USP32: variants seen among roughly 807,000 people sequenced by gnomAD.
The protein encoded by USP32 is ubiquitin carboxyl-terminal hydrolase 32.
USP32 carries 59 observed loss-of-function variants against 204.8 expected under a neutral mutation model. That is an observed-to-expected ratio of 0.29 (90% confidence interval 0.23 to 0.36). USP32 has a LOEUF of 0.36. Among genes scored for constraint, USP32 ranks in the 10% least tolerant of loss-of-function variants. USP32 has a pLI of 1.00. For synonymous variants in USP32, 517 were observed against 678.4 expected, an observed-to-expected ratio of 0.76 and a Z score of 3.70; for missense variants, 1,160 against 1,946.4, an observed-to-expected ratio of 0.60 and a Z score of 7.60.
chr17:60,409,081 C>T (rs373603783), intron 1 of USP32, among the ~76,000 whole-genome samples: 12 of 152,346 alleles, frequency 7.9e-5, no homozygotes, highest in Admixed American at 5.9e-4. Context: ...GGCACAGTGG[C>T]TCATGCCTGT....
chr17:60,374,399 G>GTT (rs1257100336), intron 1 of USP32, among the ~76,000 whole-genome samples: 88 of 141,534 alleles, frequency 6.2e-4, no homozygotes, highest in Admixed American at 2.5e-3. Context: ...GTTAAGTTTT[G>GTT]TTTTTTTTTT....
At chr17:60,212,132 A>C in intron 18 of USP32, 34 bp from the exon 19 acceptor site, 1 of 1,530,746 alleles carries the variant, frequency 6.5e-7, no homozygotes, top group Non-Finnish European at 8.9e-7. Context: ...TTAATTTCTT[A>C]TCTATCTAAT....
chr17:60,241,174 T>G (rs1419172131), intron 11 of USP32, among the ~76,000 whole-genome samples: 1 of 152,142 alleles, frequency 6.6e-6, no homozygotes, highest in Non-Finnish European at 1.5e-5. Context: ...ATTTTTTGTA[T>G]TTTTAGTACA....
chr17:60,222,607 C>A, intron 14 of USP32, 58 bp from the exon 15 acceptor site: 1 of 1,544,716 alleles, frequency 6.5e-7, no homozygotes, highest in Non-Finnish European at 8.8e-7. Context: ...TTTTGGGTCT[C>A]AGCAATACCT....
At chr17:60,275,189 G>A (rs2086810763) in intron 5 of USP32, among the ~76,000 whole-genome samples, 1 of 152,168 alleles carries the variant, frequency 6.6e-6, no homozygotes, top group Admixed American at 6.5e-5. Flanking sequence ...GGGCGCGGTG[G>A]CTCACGCCTG....
chr17:60,301,500 G>T, intron 3 of USP32, 99 bp downstream of exon 3: 2 of 674,698 alleles, frequency 3.0e-6, no homozygotes, highest in Non-Finnish European at 4.7e-6. Context: ...TATCTTCTTT[G>T]GGAAAATGTC....
chr17:60,396,505 G>T (rs747093701), upstream of USP32, among the ~76,000 whole-genome samples: 1 of 152,140 alleles, frequency 6.6e-6, no homozygotes, highest in Non-Finnish European at 1.5e-5. Flanking sequence ...TGCAGTTAAA[G>T]AAATTTCTCC....
intron 21 of USP32, 118 bp from the exon 22 acceptor site, chr17:60,209,661 C>T: frequency 1.6e-6 from 1 of 607,038 alleles, no homozygotes; most frequent in Non-Finnish European, 2.6e-6. Flanking sequence ...ACTTAGTCTG[C>T]CTCTATTTCA....
intron 24 of USP32, chr17:60,207,615 G>A (rs1212649213): frequency 6.4e-6 from 1 of 155,414 alleles, no homozygotes; most frequent in East Asian, 1.9e-4. Flanking sequence ...TAATTTCTTA[G>A]TGTGTTAAAA....
intron 2 of USP32, chr17:60,316,078 C>T: frequency 4.5e-6 from 1 of 220,844 alleles, no homozygotes; most frequent in Non-Finnish European, 9.0e-6. Context: ...TTCCAGAATA[C>T]AGTTACTGGT....
At chr17:60,341,488 T>C (rs1444617037) in intron 2 of USP32, among the ~76,000 whole-genome samples, 2 of 152,148 alleles carry the variant, frequency 1.3e-5, no homozygotes, top group Non-Finnish European at 2.9e-5. Context: ...GAATGTTGAA[T>C]ATTGGCCCCC....
intron 27 of USP32, among the ~76,000 whole-genome samples, chr17:60,194,341 AC>A (rs1421068117): frequency 6.6e-6 from 1 of 151,984 alleles, no homozygotes; most frequent in East Asian, 1.9e-4. Flanking sequence ...ACCGCACCCT[AC>A]CCCCTGCACT....
chr17:60,297,173 G>T (rs2087452246), intron 3 of USP32, among the ~76,000 whole-genome samples: 1 of 152,128 alleles, frequency 6.6e-6, no homozygotes, highest in Admixed American at 6.5e-5. Flanking sequence ...CAAGACGAGA[G>T]AATCATTTGA....
intron 2 of USP32, among the ~76,000 whole-genome samples, chr17:60,317,437 G>A (rs2088009483): frequency 6.6e-6 from 1 of 150,664 alleles, no homozygotes; most frequent in Non-Finnish European, 1.5e-5. Flanking sequence ...GATTACTTGA[G>A]CCAAGGAGGT....
At chr17:60,303,241 A>G (rs59315645) in intron 2 of USP32, among the ~76,000 whole-genome samples, 3,279 of 152,214 alleles carry the variant, frequency 0.022, 139 homozygotes, top group African/African-American at 0.075. Flanking sequence ...CCCACTCCCA[A>G]CTAGAAGAAA....
intron 12 of USP32, among the ~76,000 whole-genome samples, chr17:60,232,064 T>C (rs1211361780): frequency 6.6e-6 from 1 of 152,158 alleles, no homozygotes; most frequent in African/African-American, 2.4e-5. Context: ...TAAGTAAATA[T>C]GTCATTTTAT....
At chr17:60,361,924 A>T (rs73320763) in intron 1 of USP32, among the ~76,000 whole-genome samples, 138 of 152,302 alleles carry the variant, frequency 9.1e-4, no homozygotes, top group African/African-American at 3.1e-3. Flanking sequence ...TATAGTGTTA[A>T]CAGTATTACT....
chr17:60,192,452 T>C (rs1046307475), intron 28 of USP32, among the ~76,000 whole-genome samples: 5 of 152,212 alleles, frequency 3.3e-5, no homozygotes, highest in Non-Finnish European at 7.3e-5. Context: ...AAATATTTTT[T>C]GAGACGGAGT....
intron 1 of USP32, among the ~76,000 whole-genome samples, chr17:60,378,401 G>A (rs1390002487): frequency 1.3e-5 from 2 of 152,060 alleles, no homozygotes; most frequent in South Asian, 2.1e-4. Flanking sequence ...TCCTTAAAGG[G>A]TTAAATATAG....
Sources: allele counts gnomAD v4.1 joint callset (sites outside exome capture counted in the v4.1 genomes callset), GRCh38; gene constraint gnomAD v4.1.1; transcripts MANE v1.5; gene names NCBI Gene and HGNC (gene_info 2026-07-23, HGNC 2026-07-21).